Variants in OTOG observed in about 807,000 individuals in gnomAD.
OTOG encodes otogelin.
In OTOG, 296 loss-of-function variants were observed where a neutral mutation model predicts 313.8. That is an observed-to-expected ratio of 0.94 (90% CI 0.86 to 1.04). The LOEUF is 1.04. Ranked by LOEUF, OTOG falls within the 50% of genes least tolerant of loss-of-function variation. OTOG has a pLI of 0.00. For synonymous variants in OTOG, 1,533 were observed against 1,554.9 expected (o/e 0.99, Z 0.33); for missense variants, 3,948 against 3,840.1 (o/e 1.03, Z -0.74).
Position 17,558,634 on chromosome 11 carries a change from G to C in OTOG, c.1093G>C (p.Asp365His). 6.5e-7 allele frequency: 1 copy of C among 1,549,854 alleles called. No homozygotes were observed. The highest frequency in any genetic ancestry group is 8.7e-7 in the Non-Finnish European group (1 of 1,146,996). Residue 365 changes from aspartate to histidine, a missense_variant, in exon 10 of 56, where the codon GAT (aspartate) becomes CAT (histidine). Transcript: ENST00000399397. ...GCCCTTCACAGCCAGTTGTACCAGT[G>C]ATCTCTGCCAGTGAGTAGGGGTGGT... ...PLPFTASCTS[D>H]LCQSMGDVAT...
At chr11:17,582,586 G>A (rs1475818167) in intron 23 of OTOG, among the ~76,000 whole-genome samples, 1 of 152,204 alleles carries the variant, frequency 6.6e-6, no homozygotes, top group African/African-American at 2.4e-5. Flanking sequence ...TACACGTCCA[G>A]TATATGAGAA....
intron 39 of OTOG, among the ~76,000 whole-genome samples, chr11:17,627,755 A>T (rs910695804): frequency 3.3e-5 from 5 of 152,064 alleles, no homozygotes; most frequent in Admixed American, 2.6e-4. Context: ...GCTTCTTCTC[A>T]TTACTTGTTA....
chr11:17,581,763 C>T (rs1002763899), intron 23 of OTOG, among the ~76,000 whole-genome samples: 15 of 152,154 alleles, frequency 9.9e-5, no homozygotes, highest in African/African-American at 3.6e-4. Context: ...CTAATGTTGG[C>T]GCCCTATATA....
intron 16 of OTOG, 126 bp downstream of exon 16, chr11:17,569,414 G>A (rs1025214508): frequency 7.6e-7 from 1 of 1,316,606 alleles, no homozygotes; most frequent in Non-Finnish European, 1.0e-6. Context: ...GGGTAGATCA[G>A]GATAGGGGAC....
intron 48 of OTOG, chr11:17,638,819 C>G: frequency 7.0e-7 from 1 of 1,426,462 alleles, no homozygotes; most frequent in South Asian, 1.2e-5. Flanking sequence ...TTACTGCGGC[C>G]GGGCACGGTG....
intron 43 of OTOG, 24 bp downstream of exon 43, chr11:17,633,898 G>C (rs928534897): frequency 1.3e-6 from 2 of 1,507,848 alleles, no homozygotes; most frequent in Non-Finnish European, 1.8e-6. Flanking sequence ...CTCCCTGAGT[G>C]GGGGGCCTCC....
chr11:17,561,833 G>C, intron 15 of OTOG, 26 bp downstream of exon 15: 2 of 1,549,160 alleles, frequency 1.3e-6, no homozygotes, highest in Non-Finnish European at 1.7e-6. Context: ...CCCCAGGCCC[G>C]ATCCACCCAG....
At chr11:17,613,200 TTTCTTTCTTTC>T (rs1451147229) in intron 38 of OTOG, among the ~76,000 whole-genome samples, 9 of 65,860 alleles carry the variant, frequency 1.4e-4, no homozygotes, top group African/African-American at 4.7e-4. Context: ...CTTTCTTTTC[TTTCTTTCTTTC>T]TTTCTTTCTT....
At chr11:17,611,982 A>G (rs1172636209) in intron 36 of OTOG, among the ~76,000 whole-genome samples, 180 bp from the exon 37 acceptor site, 1 of 152,104 alleles carries the variant, frequency 6.6e-6, no homozygotes, top group African/African-American at 2.4e-5. Flanking sequence ...CCGAGCTCAC[A>G]CTAAGTGCAT....
At chr11:17,633,917 C>T in intron 43 of OTOG, 43 bp downstream of exon 43, 1 of 1,495,482 alleles carries the variant, frequency 6.7e-7, no homozygotes, top group Non-Finnish European at 8.9e-7. Flanking sequence ...CCAAAGCCAG[C>T]CTCAGCCTCG....
intron 39 of OTOG, among the ~76,000 whole-genome samples, chr11:17,614,028 A>G (rs193282557): frequency 1.6e-4 from 25 of 152,276 alleles, no homozygotes; most frequent in Non-Finnish European, 2.9e-4. Flanking sequence ...ACAAAAACCT[A>G]TGACCACATG....
At position 17,593,726 on chromosome 11, in the gene OTOG, A is replaced by G; in HGVS notation, c.3258A>G (p.Thr1086=). 6.5e-7 allele frequency: 1 copy of G among 1,548,780 alleles called. No homozygotes were observed. The highest frequency in any genetic ancestry group is 8.7e-7 in the Non-Finnish European group (1 of 1,146,972). Residue 1086 remains threonine (T), a synonymous_variant, in exon 27 of 56, where the codon ACA becomes ACG. Transcript: ENST00000399397. The part of the protein sequence containing the change: ...HITLLWDQRT[T]VHVQAGPQWQ... ...CCCTCTTGTGGGACCAGAGAACCAC[A>G]GTGCACGTCCAGGCTGGGCCTCAGT...
chr11:17,608,171 T>TC (rs397848751), intron 33 of OTOG, 125 bp from the exon 34 acceptor site: 2 of 630,788 alleles, frequency 3.2e-6, no homozygotes, highest in African/African-American at 3.8e-5. Flanking sequence ...TGTGGTTTTT[T>TC]CCCCATTTGC....
chr11:17,559,660 A>T lies in OTOG; in HGVS notation c.1340A>T (p.Asn447Ile). 6.5e-7 allele frequency: 1 copy of T among 1,550,190 alleles called. No individual in the cohort carries two copies. The highest frequency in any genetic ancestry group is 2.0e-5 in the Admixed American group (1 of 50,972). ...IACVDGCYCP[N>I]GLIFEDGGCV... ...TGTGTGGACGGCTGCTATTGCCCCA[A>T]TGGTATGCTAGGGGCAGACGTAGGT... The change falls in exon 12 of 56, where the codon AAT becomes ATT. Residue 447 changes from asparagine (N) to isoleucine (I), a missense_variant and splice_region_variant. Physicochemically the swap from Asn to Ile is moderately radical, Grantham distance 149 (BLOSUM62 -3). Transcript: ENST00000399397.
chr11:17,555,207 ATGTG>A (rs57148062), intron 6 of OTOG, among the ~76,000 whole-genome samples: 28 of 141,120 alleles, frequency 2.0e-4, no homozygotes, highest in Admixed American at 4.2e-4. Flanking sequence ...GGGGGCAGAG[ATGTG>A]TGTGTGTGTG....
chr11:17,589,057 C>T (rs776116805), intron 24 of OTOG, among the ~76,000 whole-genome samples: 1 of 152,168 alleles, frequency 6.6e-6, no homozygotes, highest in African/African-American at 2.4e-5. Flanking sequence ...TCTGTTCCTC[C>T]TCCTGCTTTG....
chr11:17,589,582 C>A (rs1216337694), intron 24 of OTOG, among the ~76,000 whole-genome samples: 1 of 152,158 alleles, frequency 6.6e-6, no homozygotes, highest in Non-Finnish European at 1.5e-5. Context: ...AATTTGCATT[C>A]TCTACTGGCT....
Position 17,639,473 on chromosome 11 carries a change from C to T in OTOG, c.7935+10C>T, listed in dbSNP as rs990130666. ...GCCCCGGTGCCATCTGGTATGGAGA[C>T]GCTCCTCCCCCAACACTCCCTGGTC... On this transcript the variant is annotated intron_variant, in intron 49 of 55. Transcript: ENST00000399397. 64 of 1,550,410 alleles carry T rather than the reference C, an allele frequency of 4.1e-5. No homozygotes were observed. The highest frequency in any genetic ancestry group is 2.1e-4 in the South Asian group (18 of 84,042).
chr11:17,571,915 A>G (rs1852412777), intron 17 of OTOG, among the ~76,000 whole-genome samples, 165 bp from the exon 18 acceptor site: 2 of 152,054 alleles, frequency 1.3e-5, no homozygotes, highest in African/African-American at 4.8e-5. Context: ...TACATGTTAC[A>G]TATTTGGGTG....
Sources: gnomAD v4.1 joint callset for allele counts (sites outside exome capture counted in the v4.1 genomes callset) on GRCh38, gnomAD v4.1.1 for gene constraint, MANE v1.5 for transcripts, NCBI Gene and HGNC (gene_info 2026-07-23, HGNC 2026-07-21) for gene names.